CSMD1: variants seen among roughly 807,000 people sequenced by gnomAD.
CSMD1 encodes the protein CUB and Sushi multiple domains 1.
A neutral mutation model predicts 417.5 loss-of-function variants in CSMD1; 213 were observed. The observed-to-expected ratio is 0.51, with a 90% CI of 0.46 to 0.57. CSMD1 has a LOEUF of 0.57. CSMD1 is among the 20% of genes least tolerant of loss of function. The pLI, the probability that CSMD1 is intolerant of heterozygous loss-of-function variation, is 0.00. For synonymous variants in CSMD1, 2,862 were observed against 1,736.8 expected, an observed-to-expected ratio of 1.65 and a Z score of -16.11; for missense variants, 6,923 against 4,529.7, an observed-to-expected ratio of 1.53 and a Z score of -15.17.
chr8:3,340,456 A>T (rs946787848), intron 23 of CSMD1, among the ~76,000 whole-genome samples: 2 of 152,196 alleles, frequency 1.3e-5, no homozygotes, highest in Non-Finnish European at 2.9e-5. Context: ...TATATGCATT[A>T]ATTATGGATC....
At chr8:3,945,777 G>A (rs1231902411) in intron 5 of CSMD1, among the ~76,000 whole-genome samples, 4 of 152,072 alleles carry the variant, frequency 2.6e-5, no homozygotes, top group Admixed American at 2.6e-4. Context: ...AGATATGAAA[G>A]TAGATGAGAA....
intron 3 of CSMD1, among the ~76,000 whole-genome samples, chr8:4,341,090 G>T (rs978397962): frequency 6.6e-6 from 1 of 152,052 alleles, no homozygotes; most frequent in Non-Finnish European, 1.5e-5. Context: ...AATAGTGAGA[G>T]AATAGAGATA....
At chr8:4,795,765 T>TG (rs1797950146) in intron 1 of CSMD1, among the ~76,000 whole-genome samples, 4 of 152,102 alleles carry the variant, frequency 2.6e-5, no homozygotes, top group Admixed American at 2.0e-4. Flanking sequence ...TCCGTACCTG[T>TG]GCACGCCTTC....
intron 5 of CSMD1, among the ~76,000 whole-genome samples, chr8:3,979,045 G>A (rs1813654024): frequency 6.6e-6 from 1 of 152,184 alleles, no homozygotes; most frequent in African/African-American, 2.4e-5. Context: ...TGGACCACAA[G>A]AAGTTTCCTC....
chr8:4,992,308 A>G (rs562486243), intron 1 of CSMD1, among the ~76,000 whole-genome samples: 1 of 152,110 alleles, frequency 6.6e-6, no homozygotes, highest in African/African-American at 2.4e-5. Flanking sequence ...ACGTGTGCGG[A>G]TTATTAAGCA....
intron 7 of CSMD1, among the ~76,000 whole-genome samples, chr8:3,645,939 A>T (rs1032817224): frequency 5.3e-5 from 8 of 152,178 alleles, no homozygotes; most frequent in Non-Finnish European, 1.5e-5. Flanking sequence ...ATATTCTATT[A>T]TCAACAGTAT....
chr8:4,266,329 G>A lies in CSMD1; in HGVS notation c.415+153624C>T, dbSNP rs141639779. Among the ~76,000 whole-genome samples the A allele has an allele frequency of 4.5e-3, 467 of 104,888 alleles. 67 individuals are homozygous for A. The highest frequency in any genetic ancestry group is 0.012 in the African/African-American group (454 of 38,538). The allele number at this position is 104,888 out of a possible 152,430, so 68.8% of individuals were successfully genotyped here. ...AACTGTCCAGGTCTTAGAAACAGTT[G>A]ATTTTGGAGAAAAACAAACACAACT... On this transcript the variant is annotated intron_variant, in intron 3 of 69. Coordinates refer to ENST00000635120, the MANE Select transcript of CSMD1 (RefSeq NM_033225.6).
At chr8:3,459,409 C>T (rs1171400822) in intron 12 of CSMD1, among the ~76,000 whole-genome samples, 1 of 152,190 alleles carries the variant, frequency 6.6e-6, no homozygotes, top group Non-Finnish European at 1.5e-5. Flanking sequence ...CCTTGCAATG[C>T]AGCACCAGTG....
intron 3 of CSMD1, among the ~76,000 whole-genome samples, chr8:4,130,140 G>T (rs1312723285): frequency 1.3e-5 from 2 of 152,020 alleles, no homozygotes; most frequent in Non-Finnish European, 2.9e-5. Context: ...AATCAAGCTT[G>T]CTTATTTTAC....
chr8:3,876,720 C>T (rs1435516722), intron 5 of CSMD1, among the ~76,000 whole-genome samples: 1 of 152,160 alleles, frequency 6.6e-6, no homozygotes, highest in Non-Finnish European at 1.5e-5. Flanking sequence ...AGCAATCCTC[C>T]AGCCTTGGCC....
intron 5 of CSMD1, among the ~76,000 whole-genome samples, chr8:3,950,692 A>G (rs1811542330): frequency 6.6e-6 from 1 of 152,234 alleles, no homozygotes; most frequent in Non-Finnish European, 1.5e-5. Flanking sequence ...ATAATGCATT[A>G]TGGAGCACAG....
At chr8:4,753,039 A>C (rs538896766) in intron 1 of CSMD1, among the ~76,000 whole-genome samples, 1 of 152,276 alleles carries the variant, frequency 6.6e-6, no homozygotes, top group South Asian at 2.1e-4. Context: ...ATAATAAGAG[A>C]AAATACATAT....
Position 4,169,533 on chromosome 8 carries a change from G to A in CSMD1, c.416-137434C>T, listed in dbSNP as rs114216788. Among the ~76,000 whole-genome samples the A allele has an allele frequency of 7.8e-3, 1,190 of 152,136 alleles. 13 individuals are homozygous for A. The highest frequency in any genetic ancestry group is 0.027 in the African/African-American group (1,119 of 41,476). ...CATTTTCTCTCCTCCAGATGAAATG[G>A]CAGCCTCCAAACTCATGTTACTTTT... On this transcript the variant is annotated intron_variant, in intron 3 of 69. Coordinates refer to ENST00000635120, the MANE Select transcript of CSMD1 (RefSeq NM_033225.6).
intron 3 of CSMD1, among the ~76,000 whole-genome samples, chr8:4,157,907 G>C (rs1378519334): frequency 6.6e-6 from 1 of 152,112 alleles, no homozygotes; most frequent in Non-Finnish European, 1.5e-5. Context: ...TGCTGAACTT[G>C]GGCTTGTCCC....
chr8:4,470,490 A>G (rs747386815), intron 2 of CSMD1, among the ~76,000 whole-genome samples: 5 of 152,246 alleles, frequency 3.3e-5, no homozygotes, highest in Non-Finnish European at 7.3e-5. Flanking sequence ...AACTGGAAGG[A>G]TAAGTGCATC....
chr8:4,911,262 T>C (rs1003406388), intron 1 of CSMD1, among the ~76,000 whole-genome samples: 20 of 152,342 alleles, frequency 1.3e-4, no homozygotes, highest in African/African-American at 4.3e-4. Context: ...TGTCCACCAG[T>C]CGTAATTTCT....
At position 4,148,708 on chromosome 8, in the gene CSMD1, C is replaced by T. The variant is rs111239574; in HGVS notation, c.416-116609G>A. ...TCTAGTAAGGGCACTCAGCCCACAG[C>T]GAGGGCTCCACTCTCATCACCTCCT... is the stretch of plus-strand genomic sequence containing the variant. On this transcript the variant is annotated intron_variant, in intron 3 of 69. Transcript: ENST00000635120. Among the ~76,000 whole-genome samples, 9 of 152,124 alleles carry T rather than the reference C, an allele frequency of 5.9e-5. No individual in the cohort carries two copies. In the East Asian group the frequency reaches 1.6e-3, roughly 26 times the overall value.
chr8:3,853,841 C>G (rs1485531836), intron 5 of CSMD1, among the ~76,000 whole-genome samples: 1 of 146,106 alleles, frequency 6.8e-6, no homozygotes, highest in Non-Finnish European at 1.5e-5. Flanking sequence ...GCACATTGTG[C>G]ACATGTACCC....
At chr8:3,914,866 C>T (rs559854408) in intron 5 of CSMD1, among the ~76,000 whole-genome samples, 18 of 152,240 alleles carry the variant, frequency 1.2e-4, no homozygotes, top group African/African-American at 4.3e-4. Context: ...ACACATCATA[C>T]AGTTTTCAGT....
Sources: gnomAD v4.1 joint callset for allele counts (sites outside exome capture counted in the v4.1 genomes callset) on GRCh38, gnomAD v4.1.1 for gene constraint, MANE v1.5 for transcripts, NCBI Gene and HGNC (gene_info 2026-07-23, HGNC 2026-07-21) for gene names.